Variants in RORB observed in about 807,000 individuals in gnomAD.
RORB encodes the protein nuclear receptor ROR-beta.
RORB carries 6 observed loss-of-function variants against 59.1 expected under a neutral mutation model. The observed-to-expected ratio is 0.10, with a 90% CI of 0.06 to 0.20. The LOEUF is 0.20. Among genes scored for constraint, RORB ranks in the 10% least tolerant of loss-of-function variants. The pLI is 1.00. For synonymous variants in RORB, 215 were observed against 204.5 expected (o/e 1.05, Z -0.44); for missense variants, 320 against 560.5 (o/e 0.57, Z 4.33).
chr9:74,616,991 A>T (rs962704269), intron 1 of RORB, among the ~76,000 whole-genome samples: 3 of 69,176 alleles, frequency 4.3e-5, no homozygotes, highest in African/African-American at 1.4e-4. Context: ...CTGTAGCTTT[A>T]AAAAAAAAAA....
At chr9:74,599,063 C>T (rs530722187) in intron 1 of RORB, among the ~76,000 whole-genome samples, 29 of 152,172 alleles carry the variant, frequency 1.9e-4, no homozygotes, top group Non-Finnish European at 3.8e-4. Flanking sequence ...ATAACCCGAA[C>T]ACCTCCCGCT....
chr9:74,589,784 C>T (rs573750377), intron 1 of RORB, among the ~76,000 whole-genome samples: 2 of 152,334 alleles, frequency 1.3e-5, no homozygotes, highest in South Asian at 4.1e-4. Flanking sequence ...ACCCAAACCA[C>T]AAGCATCAGG....
chr9:74,618,056 T>C (rs900771942), intron 1 of RORB, among the ~76,000 whole-genome samples: 5 of 152,126 alleles, frequency 3.3e-5, no homozygotes, highest in Non-Finnish European at 7.4e-5. Flanking sequence ...AAATTGACAA[T>C]ATATTTAGTC....
At chr9:74,644,727 A>G (rs1000747542) in intron 4 of RORB, among the ~76,000 whole-genome samples, 3 of 152,224 alleles carry the variant, frequency 2.0e-5, no homozygotes, top group Non-Finnish European at 4.4e-5. Context: ...AATTTGAGAG[A>G]TATGTTTGAA....
intron 1 of RORB, among the ~76,000 whole-genome samples, chr9:74,603,783 A>G (rs917416134): frequency 6.6e-6 from 1 of 152,240 alleles, no homozygotes; most frequent in Non-Finnish European, 1.5e-5. Context: ...TCAGGCTGAC[A>G]TAACACATTG....
At chr9:74,569,283 T>C (rs1364655572) in intron 1 of RORB, among the ~76,000 whole-genome samples, 1 of 152,112 alleles carries the variant, frequency 6.6e-6, no homozygotes, top group Non-Finnish European at 1.5e-5. Flanking sequence ...TCTTAGTTTT[T>C]ATGAATACAT....
intron 1 of RORB, among the ~76,000 whole-genome samples, chr9:74,613,862 G>C (rs1823269934): frequency 1.3e-5 from 2 of 152,168 alleles, no homozygotes; most frequent in Admixed American, 1.3e-4. Context: ...ATTCACTTCG[G>C]ATAATGGCAT....
At chr9:74,564,886 G>C (rs1489990039) in intron 1 of RORB, among the ~76,000 whole-genome samples, 2 of 152,172 alleles carry the variant, frequency 1.3e-5, no homozygotes, top group Non-Finnish European at 2.9e-5. Context: ...GGCTTGGGTT[G>C]GTGGCATTGA....
intron 7 of RORB, 112 bp downstream of exon 7, chr9:74,665,707 A>C (rs1824253768): frequency 1.3e-5 from 9 of 699,546 alleles, no homozygotes; most frequent in East Asian, 2.7e-5. Flanking sequence ...CCAGTATCTC[A>C]TTATTCGATA....
intron 1 of RORB, among the ~76,000 whole-genome samples, chr9:74,628,674 T>C (rs1025133501): frequency 6.6e-6 from 1 of 152,256 alleles, no homozygotes; most frequent in African/African-American, 2.4e-5. Context: ...GTTTTGTATA[T>C]GCAAGAGTGA....
At chr9:74,678,547 T>C (rs1054216819) in intron 9 of RORB, among the ~76,000 whole-genome samples, 1 of 152,212 alleles carries the variant, frequency 6.6e-6, no homozygotes, top group Non-Finnish European at 1.5e-5. Context: ...TAAGTGAAAT[T>C]GTACTTGAAA....
intron 2 of RORB, among the ~76,000 whole-genome samples, chr9:74,633,057 G>A (rs538701063): frequency 3.9e-5 from 6 of 152,132 alleles, no homozygotes; most frequent in African/African-American, 7.2e-5. Context: ...CCACACCTCC[G>A]TGTCTGAGTT....
intron 1 of RORB, among the ~76,000 whole-genome samples, chr9:74,597,131 C>A (rs1378487540): frequency 2.0e-5 from 3 of 152,246 alleles, no homozygotes; most frequent in Non-Finnish European, 4.4e-5. Context: ...TTCCTTCAAG[C>A]TCCCAGGTGA....
chr9:74,641,843 G>A (rs1823812039), intron 3 of RORB, among the ~76,000 whole-genome samples: 1 of 152,074 alleles, frequency 6.6e-6, no homozygotes, highest in Non-Finnish European at 1.5e-5. Context: ...GGAGCCCAAG[G>A]TTTCAGTGAG....
At chr9:74,520,997 A>T (rs1016345845) in intron 1 of RORB, among the ~76,000 whole-genome samples, 2 of 151,908 alleles carry the variant, frequency 1.3e-5, no homozygotes, top group Non-Finnish European at 2.9e-5. Context: ...TATTTAGTTT[A>T]TTAGGCAACC....
intron 4 of RORB, among the ~76,000 whole-genome samples, chr9:74,652,303 A>T (rs992547248): frequency 6.6e-6 from 1 of 152,040 alleles, no homozygotes; most frequent in African/African-American, 2.4e-5. Context: ...AGCTAGTTGC[A>T]CGACTGAGGA....
chr9:74,532,358 C>A (rs150600927), intron 1 of RORB, among the ~76,000 whole-genome samples: 1 of 151,856 alleles, frequency 6.6e-6, no homozygotes, highest in Non-Finnish European at 1.5e-5. Flanking sequence ...AGTTTCCCTT[C>A]CCACTCTCCT....
chr9:74,513,937 A>T (rs1825976196), intron 1 of RORB, among the ~76,000 whole-genome samples: 1 of 152,110 alleles, frequency 6.6e-6, no homozygotes, highest in African/African-American at 2.4e-5. Context: ...AGAATGCCGT[A>T]GGATCCACAA....
chr9:74,546,597 G>A (rs1310503317), intron 1 of RORB, among the ~76,000 whole-genome samples: 5 of 152,220 alleles, frequency 3.3e-5, no homozygotes, highest in Admixed American at 3.3e-4. Flanking sequence ...GGACAGCTCA[G>A]AGGGAAATGT....
Sources: gnomAD v4.1 joint callset for allele counts (sites outside exome capture counted in the v4.1 genomes callset) on GRCh38, gnomAD v4.1.1 for gene constraint, MANE v1.5 for transcripts, NCBI Gene and HGNC (gene_info 2026-07-23, HGNC 2026-07-21) for gene names.